Variants in NRXN3 observed in about 807,000 individuals in gnomAD.
NRXN3 encodes neurexin 3.
In NRXN3, 32 loss-of-function variants were observed where a neutral mutation model predicts 137.6. The ratio of observed to expected loss-of-function variants is 0.23; its 90% CI spans 0.18 to 0.31. The LOEUF is 0.31. NRXN3 is among the 10% of genes least tolerant of loss of function. The pLI is 1.00. For missense variants in NRXN3, 1,574 were observed against 2,062.5 expected (o/e 0.76, Z 4.59); for synonymous variants, 798 against 784.5 (o/e 1.02, Z -0.29).
chr14:78,569,811 C>T (rs112001387), intron 4 of NRXN3, among the ~76,000 whole-genome samples: 5 of 152,232 alleles, frequency 3.3e-5, no homozygotes, highest in Non-Finnish European at 4.4e-5. Context: ...CTACCCGCCT[C>T]GGCCTCCCAA....
chr14:78,397,991 G>C (rs897540743), intron 4 of NRXN3, among the ~76,000 whole-genome samples: 1 of 150,092 alleles, frequency 6.7e-6, no homozygotes, highest in African/African-American at 2.4e-5. Context: ...GAGGTGGGCA[G>C]ATCACCTGAG....
At chr14:79,720,451 C>T (rs1036865192) in intron 19 of NRXN3, among the ~76,000 whole-genome samples, 4 of 152,066 alleles carry the variant, frequency 2.6e-5, no homozygotes, top group Non-Finnish European at 5.9e-5. Context: ...CTCAGTGCCT[C>T]CACAAGTGGT....
At chr14:78,544,736 T>G (rs68131938) in intron 4 of NRXN3, among the ~76,000 whole-genome samples, 2 of 152,014 alleles carry the variant, frequency 1.3e-5, no homozygotes, top group Non-Finnish European at 2.9e-5. Flanking sequence ...GAAAAATAGT[T>G]CAGAGAAGGA....
At chr14:78,789,106 T>C (rs2098797847) in intron 8 of NRXN3, among the ~76,000 whole-genome samples, 2 of 152,202 alleles carry the variant, frequency 1.3e-5, no homozygotes, top group Admixed American at 1.3e-4. Flanking sequence ...CAAAAGTATC[T>C]GGAAGAAAAT....
At chr14:78,600,535 C>T (rs943712867) in intron 4 of NRXN3, among the ~76,000 whole-genome samples, 2 of 152,186 alleles carry the variant, frequency 1.3e-5, no homozygotes, top group Non-Finnish European at 2.9e-5. Context: ...TGTCCTCTTT[C>T]TTCATTCACC....
At chr14:78,421,806 G>C (rs1021893919) in intron 4 of NRXN3, among the ~76,000 whole-genome samples, 3 of 152,110 alleles carry the variant, frequency 2.0e-5, no homozygotes, top group African/African-American at 7.2e-5. Context: ...TTACAGGCAC[G>C]AGCCACCACG....
intron 4 of NRXN3, among the ~76,000 whole-genome samples, chr14:78,532,746 T>C (rs1434191645): frequency 6.6e-6 from 1 of 152,140 alleles, no homozygotes; most frequent in Admixed American, 6.5e-5. Flanking sequence ...TCTTCTTTTT[T>C]TTTTCCTTCG....
chr14:79,231,921 G>T (rs985894854), intron 15 of NRXN3, among the ~76,000 whole-genome samples: 4 of 152,078 alleles, frequency 2.6e-5, no homozygotes, highest in African/African-American at 9.7e-5. Flanking sequence ...GGAGAGGGAA[G>T]TTGAGATTTC....
At chr14:79,123,966 T>C (rs868816124) in intron 15 of NRXN3, among the ~76,000 whole-genome samples, 2 of 152,126 alleles carry the variant, frequency 1.3e-5, no homozygotes, top group South Asian at 2.1e-4. Context: ...CTCTAATCAA[T>C]GTAATGGGAT....
At chr14:79,596,899 C>T (rs2097863737) in intron 16 of NRXN3, among the ~76,000 whole-genome samples, 1 of 152,092 alleles carries the variant, frequency 6.6e-6, no homozygotes, top group Non-Finnish European at 1.5e-5. Context: ...GATAGCCATG[C>T]TCCCGCTGTG....
chr14:78,384,268 C>T (rs555359815), intron 4 of NRXN3, among the ~76,000 whole-genome samples: 6 of 152,122 alleles, frequency 3.9e-5, no homozygotes, highest in East Asian at 2.0e-4. Context: ...GAGCCTGTCA[C>T]GTGTCTATGC....
chr14:79,757,225 C>T (rs552746957), intron 19 of NRXN3, among the ~76,000 whole-genome samples: 2 of 152,110 alleles, frequency 1.3e-5, no homozygotes, highest in Non-Finnish European at 2.9e-5. Flanking sequence ...TTAGCAACAA[C>T]GTATTCAGAT....
At chr14:78,928,754 A>G (rs1043420692) in intron 10 of NRXN3, among the ~76,000 whole-genome samples, 8 of 152,126 alleles carry the variant, frequency 5.3e-5, no homozygotes, top group Non-Finnish European at 8.8e-5. Context: ...TAGTGCCTCA[A>G]TAAACATACG....
intron 1 of NRXN3, among the ~76,000 whole-genome samples, chr14:78,182,685 G>A (rs1205275675): frequency 1.3e-5 from 2 of 152,016 alleles, no homozygotes; most frequent in Non-Finnish European, 2.9e-5. Flanking sequence ...TAGTCAGGCT[G>A]GTCTCGAACT....
At chr14:78,659,199 A>G (rs2097812129) in intron 6 of NRXN3, among the ~76,000 whole-genome samples, 1 of 152,200 alleles carries the variant, frequency 6.6e-6, no homozygotes, top group African/African-American at 2.4e-5. Context: ...GGGAGAAGAT[A>G]GCCATCTACA....
intron 19 of NRXN3, among the ~76,000 whole-genome samples, chr14:79,718,336 G>A (rs1483902423): frequency 3.9e-5 from 6 of 152,186 alleles, no homozygotes; most frequent in Admixed American, 2.6e-4. Flanking sequence ...GAAATCTGGT[G>A]TGAGGTAAGA....
chr14:79,128,820 G>T (rs2056987914), intron 15 of NRXN3, among the ~76,000 whole-genome samples: 1 of 151,698 alleles, frequency 6.6e-6, no homozygotes, highest in Non-Finnish European at 1.5e-5. Context: ...ACTCTTTTTG[G>T]TTGGTAAGCT....
chr14:78,573,841 C>G (rs1448386438), intron 4 of NRXN3, among the ~76,000 whole-genome samples: 1 of 152,162 alleles, frequency 6.6e-6, no homozygotes. Context: ...AATGAGGAGC[C>G]AAATGTTAAT....
chr14:79,748,419 C>T (rs1483494381), intron 19 of NRXN3, among the ~76,000 whole-genome samples: 1 of 152,056 alleles, frequency 6.6e-6, no homozygotes, highest in Non-Finnish European at 1.5e-5. Context: ...TAACGGTTGA[C>T]ATTGGAAGAG....
Sources: gnomAD v4.1 joint callset for allele counts (sites outside exome capture counted in the v4.1 genomes callset) on GRCh38, gnomAD v4.1.1 for gene constraint, MANE v1.5 for transcripts, NCBI Gene and HGNC (gene_info 2026-07-23, HGNC 2026-07-21) for gene names.